Variants in OR4N2 observed in about 807,000 individuals in gnomAD.
The protein encoded by OR4N2 is olfactory receptor 4N2.
For missense variants in OR4N2, 307 were observed against 377.6 expected, an observed-to-expected ratio of 0.81 and a Z score of 1.55; for synonymous variants, 141 against 140.4, an observed-to-expected ratio of 1.00 and a Z score of -0.03.
At chr14:19,805,015 A>T (rs920892463) in intron 1 of OR4N2, among the ~76,000 whole-genome samples, 1 of 152,082 alleles carries the variant, frequency 6.6e-6, no homozygotes, top group African/African-American at 2.4e-5. Flanking sequence ...GAATCAGACC[A>T]TTTGCTTTTT....
chr14:19,825,794 G>A (rs187540588), intron 1 of OR4N2, among the ~76,000 whole-genome samples: 2 of 152,218 alleles, frequency 1.3e-5, no homozygotes, highest in Middle Eastern at 3.4e-3. Flanking sequence ...TCCTGAGCTC[G>A]TGATCCACCC....
chr14:19,822,427 A>G (rs1879589287), intron 1 of OR4N2: 1 of 152,184 alleles, frequency 6.6e-6, no homozygotes, highest in Admixed American at 6.5e-5. Flanking sequence ...TAAGTCCTTG[A>G]CCTCTTCATT....
chr14:19,825,891 T>A (rs1410254279), intron 1 of OR4N2, among the ~76,000 whole-genome samples: 1 of 152,244 alleles, frequency 6.6e-6, no homozygotes, highest in Non-Finnish European at 1.5e-5. Context: ...ATACACTGTT[T>A]AGTTAAATCA....
chr14:19,829,481 A>G lies in OR4N2; in HGVS notation c.*1109A>G, dbSNP rs1311825616. 6.6e-6 allele frequency: 1 copy of G among 152,296 alleles called. No individual in the cohort carries two copies. Among genetic ancestry groups the G allele is most frequent in the Non-Finnish European group, 1.5e-5 (1 of 68,052 alleles). 9.4% of individuals were successfully genotyped at this position (152,296 alleles called of 1,614,324 possible). On this transcript the variant is annotated 3_prime_UTR_variant, in exon 2 of 2. Transcript: ENST00000557677. Reference sequence around the variant, plus strand: ...AAGACTATAGGCTGGACGTCCAGAGATGCCTTACAGACTAACACAGGTGAC... The same window carrying G: ...AAGACTATAGGCTGGACGTCCAGAGGTGCCTTACAGACTAACACAGGTGAC...
chr14:19,826,154 A>G (rs543144476), intron 1 of OR4N2, among the ~76,000 whole-genome samples: 16 of 152,382 alleles, frequency 1.0e-4, no homozygotes, highest in Non-Finnish European at 1.5e-4. Context: ...ATAAATTACT[A>G]TGTTCTTTCT....
intron 1 of OR4N2, among the ~76,000 whole-genome samples, chr14:19,813,176 G>T (rs1211959850): frequency 3.5e-4 from 54 of 152,344 alleles, no homozygotes; most frequent in African/African-American, 1.2e-3. Context: ...TTGGTGGCAA[G>T]ACTAACCTAC....
intron 1 of OR4N2, among the ~76,000 whole-genome samples, chr14:19,809,882 C>A (rs1339404638): frequency 6.6e-6 from 1 of 152,130 alleles, no homozygotes; most frequent in Admixed American, 6.5e-5. Flanking sequence ...TGTAAAACCC[C>A]AAACTGTAAA....
intron 1 of OR4N2, among the ~76,000 whole-genome samples, chr14:19,807,383 C>G (rs890082234): frequency 6.6e-6 from 1 of 151,942 alleles, no homozygotes; most frequent in Non-Finnish European, 1.5e-5. Context: ...TGAGTACAAT[C>G]AGAAATAAAA....
At chr14:19,824,974 C>G (rs554654243) in intron 1 of OR4N2, among the ~76,000 whole-genome samples, 2 of 152,320 alleles carry the variant, frequency 1.3e-5, no homozygotes, top group South Asian at 4.1e-4. Context: ...GTTCAAGCGT[C>G]GACTGTAGAA....
In OR4N2 at chr14:19,828,543, G is replaced by C; in HGVS notation, c.*171G>C. ...GATAAGGTCCATCTGCTCTCCAAGA[G>C]ATACAACCTAGTAAAAATAGACCAC... On this transcript the variant is annotated 3_prime_UTR_variant, in exon 2 of 2. Coordinates refer to ENST00000557677, the MANE Select transcript of OR4N2 (RefSeq NM_001004723.3). The C allele has an allele frequency of 1.5e-6, 1 of 682,332 alleles. No homozygotes were observed. The highest frequency in any genetic ancestry group is 2.8e-5 in the East Asian group (1 of 35,172). The allele number at this position is 682,332 out of a possible 1,614,324, so 42.3% of individuals were successfully genotyped here. A position where few individuals can be genotyped will look rare whatever the true frequency, so the allele number is the denominator to read the frequency against.
rs28750491 is a variant in OR4N2 at position 19,805,147 on chromosome 14, G to A, written c.-10+1303G>A. Among the ~76,000 whole-genome samples, 1,051 of 151,952 alleles carry A rather than the reference G, an allele frequency of 6.9e-3. 1 individual carries two copies. The highest frequency in any genetic ancestry group is 0.024 in the African/African-American group (1,002 of 41,328). On this transcript the variant is annotated intron_variant, in intron 1 of 1. Coordinates refer to ENST00000557677, the MANE Select transcript of OR4N2 (RefSeq NM_001004723.3). ...ACAGTTGGGTCTTGCTTCTTTATCC[G>A]ACTTGCCACTCTATGCCTTTTAATT...
intron 1 of OR4N2, among the ~76,000 whole-genome samples, chr14:19,805,818 C>A (rs1879149972): frequency 6.6e-6 from 1 of 152,120 alleles, no homozygotes; most frequent in South Asian, 2.1e-4. Context: ...GAAAAGGGAT[C>A]TAGAAAGAAA....
intron 1 of OR4N2, among the ~76,000 whole-genome samples, chr14:19,824,372 A>G (rs1438166041): frequency 2.0e-5 from 3 of 152,252 alleles, no homozygotes; most frequent in African/African-American, 7.2e-5. Context: ...AAGAAACAGT[A>G]GAAAAATAAC....
At chr14:19,813,960 CTCTTT>C (rs1266918385) in intron 1 of OR4N2, among the ~76,000 whole-genome samples, 1 of 151,610 alleles carries the variant, frequency 6.6e-6, no homozygotes, top group Non-Finnish European at 1.5e-5. Context: ...TTCTCTCTCT[CTCTTT>C]TCTTCTTTCT....
chr14:19,805,048 T>C (rs1325034019), intron 1 of OR4N2, among the ~76,000 whole-genome samples: 1 of 152,206 alleles, frequency 6.6e-6, no homozygotes, highest in Non-Finnish European at 1.5e-5. Context: ...TTGCTTGGTC[T>C]ATTTTTTCTC....
intron 1 of OR4N2, among the ~76,000 whole-genome samples, chr14:19,824,119 C>A (rs886383357): frequency 6.6e-6 from 1 of 152,238 alleles, no homozygotes; most frequent in Non-Finnish European, 1.5e-5. Flanking sequence ...ATGGTACAGA[C>A]TTTTGACAGA....
rs1164370701 is a variant in OR4N2 at position 19,829,235 on chromosome 14, C to A, written c.*863C>A. 1 of 151,828 alleles carries A rather than the reference C, an allele frequency of 6.6e-6. No homozygotes were observed. The allele number at this position is 151,828 out of a possible 1,614,324, so 9.4% of individuals were successfully genotyped here. ...CACAAAAACATTTTACTTTTTTTTT[C>A]TAGAGCTTCATGATTACTCCTAGCA... On this transcript the variant is annotated 3_prime_UTR_variant, in exon 2 of 2. Transcript: ENST00000557677.
At chr14:19,810,556 C>A (rs1879271026) in intron 1 of OR4N2, among the ~76,000 whole-genome samples, 1 of 152,212 alleles carries the variant, frequency 6.6e-6, no homozygotes, top group African/African-American at 2.4e-5. Context: ...CAACACAGTA[C>A]TATTCTCAAT....
chr14:19,817,273 C>A (rs558100619), intron 1 of OR4N2, among the ~76,000 whole-genome samples: 1 of 152,322 alleles, frequency 6.6e-6, no homozygotes, highest in South Asian at 2.1e-4. Context: ...ATGGTACCAG[C>A]TCCTCTTTGT....
Sources: gnomAD v4.1 joint callset for allele counts (sites outside exome capture counted in the v4.1 genomes callset) on GRCh38, gnomAD v4.1.1 for gene constraint, MANE v1.5 for transcripts, NCBI Gene and HGNC (gene_info 2026-07-23, HGNC 2026-07-21) for gene names.